Variants in DOCK6 observed in about 807,000 individuals in gnomAD.
The protein encoded by DOCK6 is dedicator of cytokinesis 6.
Under a neutral mutation model 230.3 loss-of-function variants are expected in DOCK6, and 167 were observed. The observed-to-expected ratio is 0.73, with a 90% CI of 0.64 to 0.82. The LOEUF (loss-of-function observed/expected upper bound fraction) is 0.82, where lower values mean the gene tolerates loss of function less well. DOCK6 is among the 40% of genes least tolerant of loss of function. The pLI is 0.00. For synonymous variants in DOCK6, 1,148 were observed against 1,185.0 expected (o/e 0.97, Z 0.64); for missense variants, 2,598 against 2,825.8 (o/e 0.92, Z 1.83).
chr19:11,223,653 AATTT>A (rs1238805250), intron 24 of DOCK6, among the ~76,000 whole-genome samples: 1 of 151,944 alleles, frequency 6.6e-6, no homozygotes, highest in Non-Finnish European at 1.5e-5. Context: ...TTAATTAATT[AATTT>A]ATTTTTTGAG....
rs1372239181 is a variant in DOCK6 at position 11,252,871 on chromosome 19, C to T, written c.220G>A (p.Asp74Asn). ...PPDAEPGPLR[D>N]LVEFPADDLE... ...TCATCAGCTGGGAATTCTACCAGGT[C>T]CCTGAGGGGCCCGGGCTCAGCATCT... Residue 74 changes from aspartate to asparagine, a missense_variant, in exon 3 of 48, where the codon GAC becomes AAC. Asp to Asn is a conservative substitution (Grantham distance 23). Transcript: ENST00000294618. The T allele has an allele frequency of 6.2e-7, 1 of 1,613,866 alleles. No individual in the cohort carries two copies.
chr19:11,262,143 C>T (rs2080300861), intron 1 of DOCK6, among the ~76,000 whole-genome samples: 1 of 152,040 alleles, frequency 6.6e-6, no homozygotes, highest in Non-Finnish European at 1.5e-5. Flanking sequence ...CACCCCCGCG[C>T]GTCACGGAGG....
At chr19:11,249,693 C>G (rs927832997) in intron 6 of DOCK6, among the ~76,000 whole-genome samples, 2 of 149,806 alleles carry the variant, frequency 1.3e-5, no homozygotes, top group African/African-American at 4.9e-5. Context: ...GTCAGGAGTT[C>G]GAGACCAGCC....
At chr19:11,220,253 C>G (rs572619428) in intron 28 of DOCK6, among the ~76,000 whole-genome samples, 3 of 152,114 alleles carry the variant, frequency 2.0e-5, no homozygotes, top group African/African-American at 7.2e-5. Context: ...ATGTGCCCAG[C>G]CCAAAAGCTA....
rs1179452101 is a variant in DOCK6 at position 11,209,122 on chromosome 19, G to A, written c.4752-19C>T. On this transcript the variant is annotated intron_variant, in intron 37 of 47. Transcript: ENST00000294618. ...GGCAATTCTGGAGTCCAGGTGAGGG[G>A]GGATGTGAGGAGGGGACTCACCTGG... The A allele has an allele frequency of 6.2e-7, 1 of 1,605,898 alleles. No individual in the cohort carries two copies. Among genetic ancestry groups the A allele is most frequent in the East Asian group, 2.2e-5 (1 of 44,600 alleles).
intron 35 of DOCK6, among the ~76,000 whole-genome samples, chr19:11,212,864 CCT>C (rs1491479966): frequency 2.6e-4 from 34 of 130,114 alleles, no homozygotes; most frequent in Admixed American, 5.2e-4. Flanking sequence ...TGTGCCTGGC[CCT>C]TTTTTTTTTT....
chr19:11,200,721 G>T lies in DOCK6; in HGVS notation c.5934C>A (p.Cys1978Ter), dbSNP rs1478949136. ...CTGGGGGGTTTTGCGCCTACTTCTT[G>T]CAGAAGTCCTTGAAGCAGAGCCGCA... ...NKLRLCFKDF[C>*]KKCEDALRKN... Residue 1978 changes from cysteine (C) to a stop codon, truncating the protein, a stop_gained, in exon 46 of 48, where the codon TGC becomes TGA. Transcript: ENST00000294618. LOFTEE classifies it high-confidence loss of function. This position sits in a 1 kb window ranked among gnomAD's most constrained non-coding sequence, Gnocchi z 4.3. The T allele has an allele frequency of 6.2e-7, 1 of 1,612,494 alleles. No homozygotes were observed. Among genetic ancestry groups the T allele is most frequent in the East Asian group, 2.2e-5 (1 of 44,854 alleles).
chr19:11,202,035 G>A lies in DOCK6; in HGVS notation c.5542C>T (p.Arg1848Cys), dbSNP rs746066363. 3.7e-6 allele frequency: 6 copies of A among 1,614,066 alleles called. No individual in the cohort carries two copies. Among genetic ancestry groups the A allele is most frequent in the Middle Eastern group, 1.6e-4 (1 of 6,062 alleles). The stretch of plus-strand genomic sequence containing the variant: ...AACGGCGTGCAGAACAGGAATGTGC[G>A]AAGCCCATAGTTGCGGTCAAAGTAG... ...VTYFDRNYGL[R>C]TFLFCTPFTP... The change falls in exon 44 of 48, where the codon CGC (arginine) becomes TGC (cysteine). Residue 1848 changes from arginine (R) to cysteine (C), a missense_variant. By Grantham distance (180) the Arg-to-Cys change is radical (BLOSUM62 -3). Transcript: ENST00000294618. This position sits in a 1 kb window ranked among gnomAD's most constrained non-coding sequence, Gnocchi z 5.3.
intron 24 of DOCK6, among the ~76,000 whole-genome samples, chr19:11,224,671 G>A (rs747612048): frequency 6.6e-6 from 1 of 152,182 alleles, no homozygotes; most frequent in Non-Finnish European, 1.5e-5. Flanking sequence ...GAACAGTGAG[G>A]TGGCTGATGT....
intron 37 of DOCK6, among the ~76,000 whole-genome samples, chr19:11,210,644 A>G (rs2079366945): frequency 8.0e-6 from 1 of 125,612 alleles, no homozygotes; most frequent in African/African-American, 3.2e-5. Context: ...TCACCCTCTC[A>G]CCTGTCCATT....
intron 1 of DOCK6, among the ~76,000 whole-genome samples, chr19:11,260,372 G>T (rs894017176): frequency 2.6e-5 from 4 of 152,098 alleles, no homozygotes; most frequent in Non-Finnish European, 5.9e-5. Flanking sequence ...TTGAGCCCAG[G>T]AGTTTGAGGC....
At position 11,236,343 on chromosome 19, in the gene DOCK6, T is replaced by C. The variant is rs984808833; in HGVS notation, c.2392+3A>G. 14 of 1,545,544 alleles carry C rather than the reference T, an allele frequency of 9.1e-6. No individual in the cohort carries two copies. The highest frequency in any genetic ancestry group is 1.2e-5 in the Non-Finnish European group (14 of 1,140,600). Reference sequence around the variant, plus strand: ...ACTGAGGTCTGAGGCCACATTCGCTTACCAATCTGGCCACTGATGATCGGG... The same window carrying C: ...ACTGAGGTCTGAGGCCACATTCGCTCACCAATCTGGCCACTGATGATCGGG... On this transcript the variant is annotated splice_donor_region_variant and intron_variant, in intron 20 of 47. Transcript: ENST00000294618. The surrounding 1 kb of genome is among the most constrained non-coding windows in gnomAD (Gnocchi z 5.2).
Position 11,208,790 on chromosome 19 carries a change from C to T in DOCK6, c.4984G>A (p.Asp1662Asn), listed in dbSNP as rs200620872. The change falls in exon 39 of 48, where the codon GAC becomes AAC. Residue 1662 changes from aspartate to asparagine, a missense_variant. Coordinates refer to ENST00000294618, the MANE Select transcript of DOCK6 (RefSeq NM_020812.4). ...TCCTCGTCGGGCGACAGGATGTCGT[C>T]GGAGATGGCGGACTCCTCTAGCACG... The part of the protein sequence containing the change: ...SNVLEESAIS[D>N]DILSPDEEGF... 1.7e-5 allele frequency: 28 copies of T among 1,613,732 alleles called. No individual in the cohort carries two copies. Among genetic ancestry groups the T allele is most frequent in the East Asian group, 6.7e-5 (3 of 44,876 alleles).
rs371892404 is a variant in DOCK6, at chr19:11,237,764, G to A, written c.1848C>T (p.Tyr616=). ...VVYHNKSPEF[Y]EEFKLHLPAC... ...CTGGAAGATGCAGCTTGAACTCCTC[G>A]TAGAACTCGGGGGACCTGGCAGAAT... The change falls in exon 17 of 48, where the codon TAC becomes TAT. Residue 616 remains tyrosine, a synonymous_variant. Transcript: ENST00000294618. The A allele has an allele frequency of 7.0e-6, 11 of 1,569,318 alleles. No homozygotes were observed. The African/African-American group carries it at 1.4e-4, about 19-fold the overall frequency.
At chr19:11,252,334 C>T (rs1302295443) in intron 4 of DOCK6, 86 bp from the exon 5 acceptor site, 2 of 1,568,306 alleles carry the variant, frequency 1.3e-6, no homozygotes, top group Non-Finnish European at 1.7e-6. Flanking sequence ...TACATGGCAC[C>T]TTCAAAGCCA....
At position 11,236,246 on chromosome 19, in the gene DOCK6, G is replaced by C. The variant is rs1044960927; in HGVS notation, c.2392+100C>G. On this transcript the variant is annotated intron_variant, in intron 20 of 47. Coordinates refer to ENST00000294618, the MANE Select transcript of DOCK6 (RefSeq NM_020812.4). This position sits in a 1 kb window ranked among gnomAD's most constrained non-coding sequence, Gnocchi z 5.2. ...AGGTCATTTTTCAGATGAGAAAAAT[G>C]GCCAGAGAGGTAAATGGGCTTATAG... The C allele has an allele frequency of 1.7e-6, 2 of 1,150,040 alleles. No homozygotes were observed. Among genetic ancestry groups the C allele is most frequent in the African/African-American group, 3.1e-5 (2 of 64,058 alleles). 71.2% of individuals were successfully genotyped at this position (1,150,040 alleles called of 1,614,324 possible).
intron 21 of DOCK6, among the ~76,000 whole-genome samples, chr19:11,235,059 C>T (rs2079824913): frequency 3.3e-5 from 5 of 152,126 alleles, no homozygotes; most frequent in Admixed American, 3.3e-4. Flanking sequence ...TCTTCTGCCT[C>T]AGCCTCCTGA....
At position 11,221,863 on chromosome 19, in the gene DOCK6, G is replaced by A; in HGVS notation, c.3538C>T (p.His1180Tyr). The A allele has an allele frequency of 6.2e-7, 1 of 1,613,770 alleles. No individual in the cohort carries two copies. The highest frequency in any genetic ancestry group is 8.5e-7 in the Non-Finnish European group (1 of 1,179,910). Residue 1180 changes from histidine to tyrosine, a missense_variant, in exon 28 of 48, where the codon CAT becomes TAT. Transcript: ENST00000294618. ...CTGGCCCACTGACCAGCAAAGTCAT[G>A]CAGCCGTGGCAAGGTATCCCGTGCA... ...SIARDTLPRL[H>Y]DFAEGPGQRS...
chr19:11,245,952 C>A, intron 7 of DOCK6, 74 bp from the exon 8 acceptor site: 1 of 1,522,802 alleles, frequency 6.6e-7, no homozygotes, highest in Non-Finnish European at 8.9e-7. Flanking sequence ...CCTCTTGAGG[C>A]CCAAGGTGGG....
Sources: allele counts gnomAD v4.1 joint callset (sites outside exome capture counted in the v4.1 genomes callset), GRCh38; gene constraint gnomAD v4.1.1; non-coding constraint Gnocchi (gnomAD v3.1); transcripts MANE v1.5; gene names NCBI Gene and HGNC (gene_info 2026-07-23, HGNC 2026-07-21).